Variants in PCDHGA9 observed in about 807,000 individuals in gnomAD.
PCDHGA9 encodes the protein protocadherin gamma subfamily A, 9.
Under a neutral mutation model 62.5 loss-of-function variants are expected in PCDHGA9, and 37 were observed. The observed-to-expected ratio is 0.59, with a 90% CI of 0.46 to 0.78. PCDHGA9 has a LOEUF of 0.78. PCDHGA9 is among the 30% of genes least tolerant of loss of function. The pLI, the probability that PCDHGA9 is intolerant of heterozygous loss-of-function variation, is 0.00. For synonymous variants in PCDHGA9, 459 were observed against 484.6 expected, an observed-to-expected ratio of 0.95 and a Z score of 0.69; for missense variants, 1,138 against 1,166.2, an observed-to-expected ratio of 0.98 and a Z score of 0.35.
chr5:141,424,005 C>A, intron 1 of PCDHGA9: 1 of 1,070,322 alleles, frequency 9.3e-7, no homozygotes. Context: ...TATATAGATA[C>A]AAATTAATGA....
At chr5:141,498,967 GGGAGGGAAGGAAGGAAGGAA>G (rs1464205074) in intron 2 of PCDHGA9, among the ~76,000 whole-genome samples, 5 of 129,584 alleles carry the variant, frequency 3.9e-5, no homozygotes, top group African/African-American at 1.6e-4. Flanking sequence ...GAGGGAGGGA[GGGAGGGAAGGAAGGAAGGAA>G]GGAAGGAAGG....
chr5:141,421,469 G>T (rs767500900), intron 1 of PCDHGA9: 1 of 1,614,122 alleles, frequency 6.2e-7, no homozygotes, highest in South Asian at 1.1e-5. Flanking sequence ...GTGAATCCGC[G>T]AAGCGGCAGC....
chr5:141,489,061 C>A lies in PCDHGA9; in HGVS notation c.2425-5746C>A. On this transcript the variant is annotated intron_variant, in intron 1 of 3. Coordinates refer to ENST00000573521, the MANE Select transcript of PCDHGA9 (RefSeq NM_018921.3). This position sits in a 1 kb window ranked among gnomAD's most constrained non-coding sequence, Gnocchi z 4.5. ...AGCTCCACTCAAATTCAGCTCCCCT[C>A]CCCCCTGCCCACCCCCGCCACTCGG... 5 of 347,080 alleles carry A rather than the reference C, an allele frequency of 1.4e-5. No individual in the cohort carries two copies. The highest frequency in any genetic ancestry group is 2.2e-5 in the African/African-American group (1 of 46,422). 21.5% of individuals were successfully genotyped at this position (347,080 alleles called of 1,614,324 possible). A position where few individuals can be genotyped will look rare whatever the true frequency, so the allele number is the denominator to read the frequency against.
At chr5:141,412,931 T>A in intron 1 of PCDHGA9, 1 of 453,226 alleles carries the variant, frequency 2.2e-6, no homozygotes, top group Non-Finnish European at 3.9e-6. Context: ...CAGTAACTTC[T>A]TAGGACTCTG....
At chr5:141,499,880 G>A (rs1177287013) in intron 2 of PCDHGA9, among the ~76,000 whole-genome samples, 1 of 151,886 alleles carries the variant, frequency 6.6e-6, no homozygotes, top group African/African-American at 2.4e-5. Flanking sequence ...TACAAACAGG[G>A]TTTCGCCATG....
intron 1 of PCDHGA9, among the ~76,000 whole-genome samples, chr5:141,463,725 C>A (rs1259646105): frequency 6.6e-6 from 1 of 152,026 alleles, no homozygotes. Flanking sequence ...GGATTACAGG[C>A]ATGAGCCACC....
At chr5:141,415,135 G>A (rs1224251849) in intron 1 of PCDHGA9, 7 of 1,613,666 alleles carry the variant, frequency 4.3e-6, no homozygotes, top group East Asian at 2.2e-5. Flanking sequence ...CCAGGACCAC[G>A]GCCAGCCCCC....
At chr5:141,437,895 A>G (rs911855268) in intron 1 of PCDHGA9, among the ~76,000 whole-genome samples, 23 of 151,954 alleles carry the variant, frequency 1.5e-4, no homozygotes, top group African/African-American at 4.8e-4. Flanking sequence ...ACGCCACCAC[A>G]CCCAGCTAAT....
Position 141,421,312 on chromosome 5 carries a change from G to A in PCDHGA9, c.2424+15936G>A, listed in dbSNP as rs375071225. ...CCTGGGGACGCTGCGGGGGTTCCGGGCCAGGCAGATCCGATATTCGGTGCC... is the reference window on the plus strand; with the variant it reads ...CCTGGGGACGCTGCGGGGGTTCCGGACCAGGCAGATCCGATATTCGGTGCC... On this transcript the variant is annotated intron_variant, in intron 1 of 3. Coordinates refer to ENST00000573521, the MANE Select transcript of PCDHGA9 (RefSeq NM_018921.3). The A allele has an allele frequency of 1.9e-5, 31 of 1,613,630 alleles. No homozygotes were observed. The highest frequency in any genetic ancestry group is 1.4e-5 in the Non-Finnish European group (17 of 1,179,886).
rs200519543 is a variant in PCDHGA9, at chr5:141,439,190, C to CAA, written c.2424+33828_2424+33829dup. 3.7e-3 allele frequency among the ~76,000 whole-genome samples: 409 copies of CAA among 111,790 alleles called. 4 individuals are homozygous for CAA. The highest frequency in any genetic ancestry group is 0.029 in the East Asian group (112 of 3,852). The allele number at this position is 111,790 out of a possible 152,430, so 73.3% of individuals were successfully genotyped here. A position where few individuals can be genotyped will look rare whatever the true frequency, so the allele number is the denominator to read the frequency against. On this transcript the variant is annotated intron_variant, in intron 1 of 3. Transcript: ENST00000573521. Reference sequence around the variant, plus strand: ...CCTGGGCGACATAGTGAGACTCTGACAAAAAAAAAAAAAAATCCATATGTG... The same window carrying CAA: ...CCTGGGCGACATAGTGAGACTCTGACAAAAAAAAAAAAAAAAATCCATATGTG...
chr5:141,490,257 T>C lies in PCDHGA9; in HGVS notation c.2425-4550T>C, dbSNP rs2099697852. On this transcript the variant is annotated intron_variant, in intron 1 of 3. Coordinates refer to ENST00000573521, the MANE Select transcript of PCDHGA9 (RefSeq NM_018921.3). The surrounding 1 kb of genome is among the most constrained non-coding windows in gnomAD (Gnocchi z 5.4). ...AGGGCCACTGTGTGATTCAAGTGGATGTGGGGGATGTCAATGACAATGCCC... is the reference window on the plus strand; with the variant it reads ...AGGGCCACTGTGTGATTCAAGTGGACGTGGGGGATGTCAATGACAATGCCC... The C allele has an allele frequency of 6.2e-7, 1 of 1,614,208 alleles. No individual in the cohort carries two copies. Among genetic ancestry groups the C allele is most frequent in the South Asian group, 1.1e-5 (1 of 91,078 alleles).
At chr5:141,433,091 A>C in intron 1 of PCDHGA9, 1 of 1,614,182 alleles carries the variant, frequency 6.2e-7, no homozygotes, top group Non-Finnish European at 8.5e-7. Flanking sequence ...CTATGCAGAC[A>C]TGCTCGTCAG....
chr5:141,439,445 G>T (rs1030957687), intron 1 of PCDHGA9, among the ~76,000 whole-genome samples: 1 of 152,102 alleles, frequency 6.6e-6, no homozygotes, highest in Non-Finnish European at 1.5e-5. Context: ...ATTTTATTGC[G>T]GGAGCAAGAC....
intron 1 of PCDHGA9, among the ~76,000 whole-genome samples, chr5:141,467,809 C>T (rs1026263094): frequency 6.6e-6 from 1 of 152,056 alleles, no homozygotes. Flanking sequence ...CAGGCACATG[C>T]CACCACACCA....
chr5:141,409,129 T>G (rs781711972), intron 1 of PCDHGA9: 5 of 1,613,856 alleles, frequency 3.1e-6, no homozygotes, highest in Non-Finnish European at 4.2e-6. Flanking sequence ...CATTTGATTT[T>G]GAAGATGTAG....
At chr5:141,499,698 T>C (rs1312388510) in intron 2 of PCDHGA9, among the ~76,000 whole-genome samples, 2 of 149,810 alleles carry the variant, frequency 1.3e-5, no homozygotes, top group African/African-American at 2.5e-5. Context: ...ACTTTTTTTT[T>C]TTTTTTTTTT....
At chr5:141,470,132 A>G (rs1411735203) in intron 1 of PCDHGA9, among the ~76,000 whole-genome samples, 1 of 151,586 alleles carries the variant, frequency 6.6e-6, no homozygotes, top group East Asian at 1.9e-4. Context: ...TCGTCTCAAA[A>G]AAAAAGATCA....
In PCDHGA9 at chr5:141,432,845, G is replaced by A. The variant is rs1299464282; in HGVS notation, c.2424+27469G>A. The A allele has an allele frequency of 1.2e-6, 2 of 1,614,076 alleles. No individual in the cohort carries two copies. The highest frequency in any genetic ancestry group is 8.5e-7 in the Non-Finnish European group (1 of 1,180,024). ...AGACCTCACTCTGTACCTGGTGGTA[G>A]CGGTGGCCGCGGTCTCCTGCGTCTT... On this transcript the variant is annotated intron_variant, in intron 1 of 3. Coordinates refer to ENST00000573521, the MANE Select transcript of PCDHGA9 (RefSeq NM_018921.3). This position sits in a 1 kb window ranked among gnomAD's most constrained non-coding sequence, Gnocchi z 6.0.
At chr5:141,433,181 G>T (rs199507607) in intron 1 of PCDHGA9, 45 of 1,607,620 alleles carry the variant, frequency 2.8e-5, no homozygotes, top group Non-Finnish European at 3.4e-5. Context: ...TGGGTTAATT[G>T]AGGTGAGTTT....
Sources: allele counts gnomAD v4.1 joint callset (sites outside exome capture counted in the v4.1 genomes callset), GRCh38; gene constraint gnomAD v4.1.1; non-coding constraint Gnocchi (gnomAD v3.1); transcripts MANE v1.5; gene names NCBI Gene and HGNC (gene_info 2026-07-23, HGNC 2026-07-21).